Variants in PTPRR observed in about 807,000 individuals in gnomAD.
PTPRR encodes the protein protein tyrosine phosphatase receptor type R, also known as receptor-type tyrosine-protein phosphatase R.
In PTPRR, 38 loss-of-function variants were observed where a neutral mutation model predicts 77.2. The ratio of observed to expected loss-of-function variants is 0.49; its 90% CI spans 0.38 to 0.65. The LOEUF is 0.65. PTPRR is among the 30% of genes least tolerant of loss of function. The pLI is 0.00. For synonymous variants in PTPRR, 299 were observed against 283.1 expected (o/e 1.06, Z -0.57); for missense variants, 744 against 799.2 (o/e 0.93, Z 0.83).
At chr12:70,900,468 G>A (rs375986237) in intron 1 of PTPRR, among the ~76,000 whole-genome samples, 16 of 151,332 alleles carry the variant, frequency 1.1e-4, no homozygotes, top group African/African-American at 3.6e-4. Flanking sequence ...TCTGGGCAAT[G>A]ATTTTTTTTA....
chr12:70,752,356 C>T (rs1005982359), intron 5 of PTPRR, among the ~76,000 whole-genome samples: 3 of 152,256 alleles, frequency 2.0e-5, no homozygotes, highest in African/African-American at 4.8e-5. Context: ...GTCGACTTCC[C>T]TAAGTTTCTG....
At chr12:70,794,995 C>CTAGTGATAG (rs1480531281) in intron 2 of PTPRR, among the ~76,000 whole-genome samples, 6 of 152,052 alleles carry the variant, frequency 3.9e-5, no homozygotes, top group African/African-American at 7.2e-5. Flanking sequence ...GGCTAGAGAT[C>CTAGTGATAG]TAGTGATAGT....
chr12:70,830,604 G>A (rs140357298), intron 2 of PTPRR, among the ~76,000 whole-genome samples: 1 of 152,312 alleles, frequency 6.6e-6, no homozygotes, highest in African/African-American at 2.4e-5. Context: ...GGTTGCTCAA[G>A]CAGCTTTCAT....
chr12:70,811,186 C>T (rs1251951150), intron 2 of PTPRR, among the ~76,000 whole-genome samples: 1 of 152,104 alleles, frequency 6.6e-6, no homozygotes, highest in Non-Finnish European at 1.5e-5. Context: ...CAATGCATAA[C>T]AAACAAGGAA....
intron 10 of PTPRR, among the ~76,000 whole-genome samples, chr12:70,683,321 G>A (rs1361068333): frequency 2.0e-5 from 3 of 152,076 alleles, no homozygotes; most frequent in African/African-American, 4.8e-5. Flanking sequence ...GCGGTACCTC[G>A]GATATCAGCC....
chr12:70,808,556 GC>G lies in PTPRR; in HGVS notation c.358-43779del, dbSNP rs559543002. On this transcript the variant is annotated intron_variant, in intron 2 of 13. Coordinates refer to ENST00000283228, the MANE Select transcript of PTPRR (RefSeq NM_002849.4). ...CTCTCTCCCTCTATTTCTCAGACTG[GC>G]CAACACTTAGGGCAAATAGGAAAGG... 2.3e-3 allele frequency among the ~76,000 whole-genome samples: 348 copies of G among 152,118 alleles called. 3 individuals are homozygous for G. The highest frequency in any genetic ancestry group is 0.01 in the Middle Eastern group (3 of 294).
At chr12:70,684,001 G>A in intron 10 of PTPRR, 126 bp downstream of exon 10, 1 of 1,022,614 alleles carries the variant, frequency 9.8e-7, no homozygotes, top group South Asian at 1.8e-5. Flanking sequence ...TGTATTAAGT[G>A]ACTTAGCCTT....
At chr12:70,836,229 C>T (rs897096025) in intron 2 of PTPRR, among the ~76,000 whole-genome samples, 1 of 152,030 alleles carries the variant, frequency 6.6e-6, no homozygotes, top group East Asian at 1.9e-4. Flanking sequence ...TTGGTCCCTG[C>T]CTACCAGAGC....
chr12:70,736,264 T>C (rs1489943890), intron 6 of PTPRR, among the ~76,000 whole-genome samples: 1 of 152,162 alleles, frequency 6.6e-6, no homozygotes, highest in African/African-American at 2.4e-5. Flanking sequence ...CCTCATGAAA[T>C]TGCACTTTGC....
chr12:70,875,755 G>A (rs1292779969), intron 2 of PTPRR, among the ~76,000 whole-genome samples: 3 of 152,000 alleles, frequency 2.0e-5, no homozygotes, highest in Non-Finnish European at 4.4e-5. Flanking sequence ...TGATTATGTA[G>A]GAAGAAATAT....
At chr12:70,768,699 AC>A (rs1890891123) in intron 2 of PTPRR, among the ~76,000 whole-genome samples, 1 of 152,314 alleles carries the variant, frequency 6.6e-6, no homozygotes, top group African/African-American at 2.4e-5. Flanking sequence ...GGGCAGAGAT[AC>A]AACAAAAAAA....
chr12:70,787,253 A>G (rs1891341724), intron 2 of PTPRR, among the ~76,000 whole-genome samples: 1 of 152,218 alleles, frequency 6.6e-6, no homozygotes, highest in African/African-American at 2.4e-5. Context: ...ATTAACTGTT[A>G]GAAGTATATA....
intron 10 of PTPRR, among the ~76,000 whole-genome samples, chr12:70,682,498 T>C (rs1388838856): frequency 1.3e-5 from 2 of 152,200 alleles, no homozygotes; most frequent in Non-Finnish European, 2.9e-5. Context: ...TGCCTTTTAG[T>C]CTCTTTTTAT....
rs549474042 is a variant in PTPRR, at chr12:70,769,503, A to T, written c.358-4725T>A. On this transcript the variant is annotated intron_variant, in intron 2 of 13. Transcript: ENST00000283228. ...GAACTACAAACCACTGCTCAATGAA[A>T]TAAAAGAGGATACAAACAAATGGAA... is the stretch of plus-strand genomic sequence containing the variant. 3.0e-3 allele frequency among the ~76,000 whole-genome samples: 461 copies of T among 152,318 alleles called. 4 individuals carry two copies. Among genetic ancestry groups the T allele is most frequent in the African/African-American group, 0.01 (422 of 41,564 alleles).
intron 2 of PTPRR, among the ~76,000 whole-genome samples, chr12:70,771,178 A>C (rs978841631): frequency 4.6e-5 from 7 of 151,904 alleles, no homozygotes; most frequent in African/African-American, 7.3e-5. Context: ...AAAAAAATAA[A>C]AATAAAAAGA....
At chr12:70,689,198 AT>A (rs1476591817) in intron 8 of PTPRR, among the ~76,000 whole-genome samples, 2 of 152,208 alleles carry the variant, frequency 1.3e-5, no homozygotes, top group Non-Finnish European at 2.9e-5. Context: ...ACCACAAAAA[AT>A]AAATAAATAT....
chr12:70,686,481 C>T (rs1330250700), intron 8 of PTPRR, among the ~76,000 whole-genome samples: 1 of 152,162 alleles, frequency 6.6e-6, no homozygotes, highest in Non-Finnish European at 1.5e-5. Context: ...TTATCTGACA[C>T]TCCTTCTAAA....
At chr12:70,828,294 CT>C in intron 2 of PTPRR, among the ~76,000 whole-genome samples, 1 of 152,264 alleles carries the variant, frequency 6.6e-6, no homozygotes, top group South Asian at 2.1e-4. Context: ...CTCCTTTGTC[CT>C]TTGGGAACTT....
chr12:70,869,034 TG>T (rs1892913537), intron 2 of PTPRR, among the ~76,000 whole-genome samples: 1 of 66,538 alleles, frequency 1.5e-5, no homozygotes, highest in Non-Finnish European at 2.7e-5. Flanking sequence ...GGGACTGTTG[TG>T]GGGTGGGGGG....
Sources: allele counts gnomAD v4.1 joint callset (sites outside exome capture counted in the v4.1 genomes callset), GRCh38; gene constraint gnomAD v4.1.1; transcripts MANE v1.5; gene names NCBI Gene and HGNC (gene_info 2026-07-23, HGNC 2026-07-21).